DNAH11: variants seen among roughly 807,000 people sequenced by gnomAD.
DNAH11 encodes the protein dynein axonemal heavy chain 11.
Under a neutral mutation model 526.0 loss-of-function variants are expected in DNAH11, and 442 were observed. The ratio of observed to expected loss-of-function variants is 0.84; its 90% CI spans 0.78 to 0.91. DNAH11 has a LOEUF of 0.91. Ranked by LOEUF, DNAH11 falls within the 40% of genes least tolerant of loss-of-function variation. The probability of loss-of-function intolerance (pLI) is 0.00; values close to 1 mark genes in which losing one functional copy is unlikely to be tolerated. For synonymous variants in DNAH11, 2,461 were observed against 1,935.9 expected (o/e 1.27, Z -7.12); for missense variants, 6,989 against 5,448.7 (o/e 1.28, Z -8.90).
In DNAH11 at chr7:21,885,189, C is replaced by CAAAAA. The variant is rs1400570074; in HGVS notation, c.12507+780_12507+781insAAAAA. 1.5e-3 allele frequency among the ~76,000 whole-genome samples: 184 copies of CAAAAA among 122,686 alleles called. 6 individuals carry two copies. Among genetic ancestry groups the CAAAAA allele is most frequent in the East Asian group, 1.2e-3 (5 of 4,276 alleles). The allele number at this position is 122,686 out of a possible 152,430, so 80.5% of individuals were successfully genotyped here. ...TGAACTATAAAAAAAAAAAAAAAAA[C>CAAAAA]ACACACATTTATGACACAATGGGAA... is the stretch of plus-strand genomic sequence containing the variant. On this transcript the variant is annotated intron_variant, in intron 76 of 81. Transcript: ENST00000409508.
chr7:21,627,101 C>T (rs1053075935), intron 25 of DNAH11, among the ~76,000 whole-genome samples: 1 of 152,044 alleles, frequency 6.6e-6, no homozygotes, highest in Non-Finnish European at 1.5e-5. Context: ...ATTTTAAAAT[C>T]AGATTGGGGT....
At position 21,759,047 on chromosome 7, in the gene DNAH11, G is replaced by A. The variant is rs76152772; in HGVS notation, c.8941-6381G>A. On this transcript the variant is annotated intron_variant, in intron 54 of 81. Coordinates refer to ENST00000409508, the MANE Select transcript of DNAH11 (RefSeq NM_001277115.2). ...TTTAAAAACAAAACAAAACTTATAC[G>A]TTGTTATGGGGCTAGAGACTGGCTT... Among the ~76,000 whole-genome samples the A allele has an allele frequency of 6.4e-4, 98 of 152,270 alleles. No individual in the cohort carries two copies. In the East Asian group the frequency reaches 0.014, roughly 22 times the overall value.
At chr7:21,553,084 T>G (rs1783082701) in intron 2 of DNAH11, among the ~76,000 whole-genome samples, 2 of 149,788 alleles carry the variant, frequency 1.3e-5, no homozygotes, top group Admixed American at 6.7e-5. Context: ...TTTTTTTTTT[T>G]TTTTTTTTTT....
chr7:21,671,188 C>G (rs1441790117), intron 30 of DNAH11, among the ~76,000 whole-genome samples: 1 of 151,960 alleles, frequency 6.6e-6, no homozygotes, highest in African/African-American at 2.4e-5. Context: ...TGGGCTCTTC[C>G]TTTCTTGTGT....
In DNAH11 at chr7:21,668,588, G is replaced by A. The variant is rs370952840; in HGVS notation, c.5328+9557G>A. Among the ~76,000 whole-genome samples the A allele has an allele frequency of 1.1e-3, 164 of 152,268 alleles. 3 individuals are homozygous for A. In the South Asian group the frequency reaches 0.032, roughly 29 times the overall value. The stretch of plus-strand genomic sequence containing the variant: ...GCATCCATGACTTGTTAGCCAGCAA[G>A]TAGGATAAAATTTCAGACCCCTCAC... On this transcript the variant is annotated intron_variant, in intron 30 of 81. Transcript: ENST00000409508.
chr7:21,778,522 G>A (rs138173350), intron 56 of DNAH11, among the ~76,000 whole-genome samples: 43 of 152,218 alleles, frequency 2.8e-4, no homozygotes, highest in Non-Finnish European at 4.9e-4. Flanking sequence ...CATTCATGTC[G>A]TCAACTTACT....
At chr7:21,721,543 T>C (rs1439499788) in intron 44 of DNAH11, among the ~76,000 whole-genome samples, 1 of 152,200 alleles carries the variant, frequency 6.6e-6, no homozygotes, top group Non-Finnish European at 1.5e-5. Context: ...ATGGTTGAGT[T>C]CCAGCAAGGA....
At chr7:21,878,473 AAAGTAAATTTTTTTT>A (rs1364896765) in intron 74 of DNAH11, among the ~76,000 whole-genome samples, 2 of 152,232 alleles carry the variant, frequency 1.3e-5, no homozygotes, top group African/African-American at 4.8e-5. Context: ...CTCACATTTA[AAAGTAAATTTTTTTT>A]ATACCCTTCA....
At position 21,748,660 on chromosome 7, in the gene DNAH11, T is replaced by A; in HGVS notation, c.8591T>A (p.Leu2864Ter). The change falls in exon 52 of 82, where the codon TTG (leucine) becomes TAG (stop). Residue 2864 changes from leucine (L) to a stop codon, truncating the protein, a stop_gained. Coordinates refer to ENST00000409508, the MANE Select transcript of DNAH11 (RefSeq NM_001277115.2). LOFTEE classifies it high-confidence loss of function. Reference protein sequence around the residue: ...VGVGGSGKQSLSRLAAYLRGL... With the variant: ...VGVGGSGKQS ...GTTGGGGGCAGTGGCAAGCAGAGCT[T>A]GTCCAGGCTGGCAGCTTACCTTCGT... 6.2e-7 allele frequency: 1 copy of A among 1,613,686 alleles called. No homozygotes were observed. The highest frequency in any genetic ancestry group is 8.5e-7 in the Non-Finnish European group (1 of 1,179,694).
At chr7:21,810,905 A>G (rs1789486973) in intron 63 of DNAH11, among the ~76,000 whole-genome samples, 1 of 152,194 alleles carries the variant, frequency 6.6e-6, no homozygotes, top group African/African-American at 2.4e-5. Context: ...CAGAATTGCC[A>G]CATGATCCAG....
chr7:21,707,575 A>G (rs954480280), intron 39 of DNAH11, 124 bp from the exon 40 acceptor site: 12 of 1,232,416 alleles, frequency 9.7e-6, no homozygotes, highest in Middle Eastern at 3.9e-4. Flanking sequence ...CCCCTTCTCG[A>G]TCTTAGCACA....
chr7:21,718,029 T>C lies in DNAH11; in HGVS notation c.7134+104T>C. The C allele has an allele frequency of 4.1e-6, 6 of 1,461,950 alleles. No homozygotes were observed. The South Asian group carries it at 5.9e-5, about 14-fold the overall frequency. 90.6% of individuals were successfully genotyped at this position (1,461,950 alleles called of 1,614,324 possible). A position where few individuals can be genotyped will look rare whatever the true frequency, so the allele number is the denominator to read the frequency against. Reference sequence around the variant, plus strand: ...CCTTGCCCAAGAAAGTGAGAAGATTTCTGGAATTGTTAGATTGCTGCAACC... The same window carrying C: ...CCTTGCCCAAGAAAGTGAGAAGATTCCTGGAATTGTTAGATTGCTGCAACC... On this transcript the variant is annotated intron_variant, in intron 43 of 81. Transcript: ENST00000409508.
chr7:21,606,610 A>AT, intron 19 of DNAH11, 37 bp from the exon 20 acceptor site: 1 of 1,390,982 alleles, frequency 7.2e-7, no homozygotes, highest in Non-Finnish European at 9.8e-7. Context: ...TTTGTTTGAA[A>AT]TTCACTTTTT....
chr7:21,672,940 C>G (rs556068518), intron 30 of DNAH11, among the ~76,000 whole-genome samples: 1 of 152,298 alleles, frequency 6.6e-6, no homozygotes, highest in Admixed American at 6.5e-5. Context: ...GTCATCCTAC[C>G]AAGCTCGCTG....
At chr7:21,854,555 T>C in intron 68 of DNAH11, 100 bp downstream of exon 68, 4 of 1,241,070 alleles carry the variant, frequency 3.2e-6, no homozygotes, top group Non-Finnish European at 4.4e-6. Flanking sequence ...TAATAACTAT[T>C]ATTACTATTA....
At chr7:21,599,354 G>C (rs1003979754) in intron 14 of DNAH11, among the ~76,000 whole-genome samples, 1 of 152,178 alleles carries the variant, frequency 6.6e-6, no homozygotes, top group Non-Finnish European at 1.5e-5. Context: ...TGACTTGATA[G>C]TCTTCAGATG....
chr7:21,779,943 A>G (rs528523411), intron 57 of DNAH11, among the ~76,000 whole-genome samples: 13 of 152,004 alleles, frequency 8.6e-5, no homozygotes, highest in African/African-American at 3.1e-4. Context: ...TGATTATGCC[A>G]TTTTTCTTGT....
At position 21,899,573 on chromosome 7, in the gene DNAH11, T is replaced by C. The variant is rs1784669997; in HGVS notation, c.13162+125T>C. On this transcript the variant is annotated intron_variant, in intron 80 of 81. Transcript: ENST00000409508. ...ACCAATCCTCAAGCAGCAGCCATTATAGAAAGGACCAGCAGCTATAGAGGA... is the reference window on the plus strand; with the variant it reads ...ACCAATCCTCAAGCAGCAGCCATTACAGAAAGGACCAGCAGCTATAGAGGA... The C allele has an allele frequency of 1.0e-5, 8 of 780,652 alleles. No homozygotes were observed. The South Asian group carries it at 1.1e-4, about 11-fold the overall frequency. The allele number at this position is 780,652 out of a possible 1,614,324, so 48.4% of individuals were successfully genotyped here. A position where few individuals can be genotyped will look rare whatever the true frequency, so the allele number is the denominator to read the frequency against.
intron 26 of DNAH11, among the ~76,000 whole-genome samples, chr7:21,637,190 TTCTCTC>T (rs977769030): frequency 6.6e-6 from 1 of 151,782 alleles, no homozygotes; most frequent in African/African-American, 2.4e-5. Context: ...GTCTCTCTCT[TTCTCTC>T]TCTCCCTTCC....
Sources: gnomAD v4.1 joint callset for allele counts (sites outside exome capture counted in the v4.1 genomes callset) on GRCh38, gnomAD v4.1.1 for gene constraint, MANE v1.5 for transcripts, NCBI Gene and HGNC (gene_info 2026-07-23, HGNC 2026-07-21) for gene names.